Variants in SRD5A2 observed in about 807,000 individuals in gnomAD.
The protein encoded by SRD5A2 is 3-oxo-5-alpha-steroid 4-dehydrogenase 2.
In SRD5A2, 30 loss-of-function variants were observed where a neutral mutation model predicts 27.4. That is an observed-to-expected ratio of 1.10 (90% CI 0.82 to 1.49). The LOEUF is 1.49. Ranked by LOEUF, SRD5A2 falls within the 40% of genes most tolerant of loss-of-function variation. The pLI, the probability that SRD5A2 is intolerant of heterozygous loss-of-function variation, is 0.00. For synonymous variants in SRD5A2, 141 were observed against 133.6 expected, an observed-to-expected ratio of 1.06 and a Z score of -0.38; for missense variants, 348 against 323.4, an observed-to-expected ratio of 1.08 and a Z score of -0.58.
At chr2:31,534,869 A>AT (rs1008164786) in intron 1 of SRD5A2, among the ~76,000 whole-genome samples, 5 of 151,848 alleles carry the variant, frequency 3.3e-5, no homozygotes, top group African/African-American at 7.3e-5. Context: ...GTGAGTCACC[A>AT]TTTTTTTTAC....
At chr2:31,542,771 A>G (rs1435629415) in intron 1 of SRD5A2, among the ~76,000 whole-genome samples, 1 of 152,134 alleles carries the variant, frequency 6.6e-6, no homozygotes, top group East Asian at 1.9e-4. Context: ...AAAATTGAAG[A>G]AAAGTGAGCA....
intron 1 of SRD5A2, among the ~76,000 whole-genome samples, chr2:31,541,887 T>C (rs1235726838): frequency 2.0e-5 from 3 of 152,166 alleles, no homozygotes; most frequent in Admixed American, 6.5e-5. Context: ...AGGGAGCATA[T>C]AGATCAGCCC....
At chr2:31,631,723 G>A in the SRD5A2 span, among the ~76,000 whole-genome samples, 1 of 152,172 alleles carries the variant, frequency 6.6e-6, no homozygotes, top group Non-Finnish European at 1.5e-5. Flanking sequence ...AAGAAGTGCT[G>A]CCATAACTGC....
At chr2:31,625,862 A>G in the SRD5A2 span, among the ~76,000 whole-genome samples, 32 of 152,056 alleles carry the variant, frequency 2.1e-4, no homozygotes, top group African/African-American at 7.5e-4. Context: ...CTGGTTCCAT[A>G]CGAACTTTAA....
chr2:31,645,386 G>A, the SRD5A2 span, among the ~76,000 whole-genome samples: 1 of 152,128 alleles, frequency 6.6e-6, no homozygotes, highest in East Asian at 1.9e-4. Flanking sequence ...TTGCATGCCT[G>A]TATCAAAACA....
chr2:31,585,211 G>A (rs569482739), upstream of SRD5A2, among the ~76,000 whole-genome samples: 1 of 152,300 alleles, frequency 6.6e-6, no homozygotes, highest in East Asian at 1.9e-4. Context: ...GACTAAACCT[G>A]AAAGGCAGTT....
chr2:31,608,051 C>T, the SRD5A2 span, among the ~76,000 whole-genome samples: 1 of 151,960 alleles, frequency 6.6e-6, no homozygotes, highest in Non-Finnish European at 1.5e-5. Context: ...TTCCCAGACT[C>T]CAAAATTGCA....
chr2:31,530,324 T>C (rs1293579048), intron 3 of SRD5A2, among the ~76,000 whole-genome samples: 1 of 152,186 alleles, frequency 6.6e-6, no homozygotes, highest in African/African-American at 2.4e-5. Flanking sequence ...ATTTATCTAG[T>C]TATGGAGTGA....
At chr2:31,609,503 T>C in the SRD5A2 span, among the ~76,000 whole-genome samples, 1 of 152,124 alleles carries the variant, frequency 6.6e-6, no homozygotes, top group South Asian at 2.1e-4. Flanking sequence ...GTCAAGATCA[T>C]TCGATGGGGA....
intron 1 of SRD5A2, among the ~76,000 whole-genome samples, chr2:31,547,127 A>T (rs1666278877): frequency 6.6e-6 from 1 of 152,134 alleles, no homozygotes; most frequent in Non-Finnish European, 1.5e-5. Context: ...AAATAAAAAT[A>T]AAAATAAAAG....
the SRD5A2 span, among the ~76,000 whole-genome samples, chr2:31,648,237 A>G: frequency 2.0e-5 from 3 of 152,194 alleles, no homozygotes; most frequent in African/African-American, 7.2e-5. Context: ...AAATGCCAAA[A>G]TTTCAAAAGA....
chr2:31,529,786 T>G (rs867615165), intron 3 of SRD5A2, among the ~76,000 whole-genome samples: 1 of 152,280 alleles, frequency 6.6e-6, no homozygotes. Flanking sequence ...TTTTGTTCTG[T>G]TAAGGAAGGT....
rs753942411 is a variant in SRD5A2, at chr2:31,533,694, G to T, written c.354C>A (p.Phe118Leu). Reference sequence around the variant, plus strand: ...CTTGAAGGACTCCATTTCCAGTGCAGAAGGCAGTGCCTCTGAGAATGAGTA... The same window carrying T: ...CTTGAAGGACTCCATTTCCAGTGCATAAGGCAGTGCCTCTGAGAATGAGTA... ...PAILILRGTA[F>L]CTGNGVLQGY... Residue 118 changes from phenylalanine (F) to leucine (L), a missense_variant, in exon 2 of 5, where the codon TTC becomes TTA. Transcript: ENST00000622030. The T allele has an allele frequency of 3.1e-6, 5 of 1,588,652 alleles. No homozygotes were observed. Among genetic ancestry groups the T allele is most frequent in the Non-Finnish European group, 4.3e-6 (5 of 1,166,884 alleles).
chr2:31,558,925 G>A (rs1666557253), intron 1 of SRD5A2, among the ~76,000 whole-genome samples: 1 of 152,164 alleles, frequency 6.6e-6, no homozygotes, highest in African/African-American at 2.4e-5. Flanking sequence ...ACAATGTTAA[G>A]CAATGCATGA....
intron 1 of SRD5A2, among the ~76,000 whole-genome samples, chr2:31,559,739 C>T (rs2148087531): frequency 6.6e-6 from 1 of 151,996 alleles, no homozygotes; most frequent in Non-Finnish European, 1.5e-5. Context: ...TCTATGTCAA[C>T]AAGTCAGGTA....
At chr2:31,613,405 A>T in the SRD5A2 span, among the ~76,000 whole-genome samples, 1 of 152,234 alleles carries the variant, frequency 6.6e-6, no homozygotes, top group Non-Finnish European at 1.5e-5. Context: ...CAACAGATAT[A>T]TGAAAAATGC....
chr2:31,553,312 G>C (rs1405305377), intron 1 of SRD5A2, among the ~76,000 whole-genome samples: 1 of 152,068 alleles, frequency 6.6e-6, no homozygotes, highest in Non-Finnish European at 1.5e-5. Context: ...TATACATTAT[G>C]GTGATTCTAG....
chr2:31,526,155 T>C lies in SRD5A2; in HGVS notation c.*41A>G. On this transcript the variant is annotated 3_prime_UTR_variant, in exon 5 of 5. Transcript: ENST00000622030. ...AGTTTCAGCAGCTTGACAGTTTTCATCAGCATTGTGGGAGCTCTGCTCCTT... is the reference window on the plus strand; with the variant it reads ...AGTTTCAGCAGCTTGACAGTTTTCACCAGCATTGTGGGAGCTCTGCTCCTT... 2.3e-6 allele frequency: 3 copies of C among 1,308,086 alleles called. No individual in the cohort carries two copies. The highest frequency in any genetic ancestry group is 3.2e-6 in the Non-Finnish European group (3 of 925,618). 81.0% of individuals were successfully genotyped at this position (1,308,086 alleles called of 1,614,324 possible).
the SRD5A2 span, among the ~76,000 whole-genome samples, chr2:31,636,531 A>T: frequency 2.0e-5 from 3 of 152,156 alleles, no homozygotes; most frequent in Admixed American, 2.0e-4. Flanking sequence ...AATAGCAGTG[A>T]AAGTGGACAT....
Sources: gnomAD v4.1 joint callset for allele counts (sites outside exome capture counted in the v4.1 genomes callset) on GRCh38, gnomAD v4.1.1 for gene constraint, MANE v1.5 for transcripts, NCBI Gene and HGNC (gene_info 2026-07-23, HGNC 2026-07-21) for gene names.